PRAP1: variants seen among roughly 807,000 people sequenced by gnomAD.
The protein encoded by PRAP1 is proline-rich acidic protein 1.
Under a neutral mutation model 14.6 loss-of-function variants are expected in PRAP1, and 12 were observed. The ratio of observed to expected loss-of-function variants is 0.82; its 90% confidence interval spans 0.53 to 1.33. The LOEUF is 1.33. PRAP1 is among the 40% of genes most tolerant of loss of function. The pLI is 0.00. For synonymous variants in PRAP1, 81 were observed against 80.3 expected (o/e 1.01, Z -0.04); for missense variants, 160 against 193.7 (o/e 0.83, Z 1.03).
chr10:133,348,435 T>A (rs1354349269), intron 1 of PRAP1, among the ~76,000 whole-genome samples: 3 of 152,054 alleles, frequency 2.0e-5, no homozygotes, highest in Non-Finnish European at 4.4e-5. Flanking sequence ...CTGCAGGGTG[T>A]CCCAGACACT....
intron 2 of PRAP1, 68 bp downstream of exon 2, chr10:133,350,229 T>TGTG: frequency 7.0e-7 from 1 of 1,436,500 alleles, no homozygotes; most frequent in South Asian, 1.2e-5. Flanking sequence ...CAGCAGGGGA[T>TGTG]GTGGACAAAG....
intron 2 of PRAP1, chr10:133,350,439 G>A (rs535050313): frequency 1.3e-4 from 52 of 398,268 alleles, no homozygotes; most frequent in African/African-American, 9.0e-4. Flanking sequence ...CCAGGTGGAC[G>A]AGGTGGGTCC....
chr10:133,348,043 C>T (rs112657856), intron 1 of PRAP1, among the ~76,000 whole-genome samples: 17 of 152,292 alleles, frequency 1.1e-4, no homozygotes, highest in African/African-American at 4.1e-4. Flanking sequence ...GCTTGGGGAC[C>T]CTTTGGTGCC....
At position 133,352,326 on chromosome 10, in the gene PRAP1, C is replaced by T. The variant is rs201206108; in HGVS notation, c.342C>T (p.His114=). Residue 114 remains histidine (H), a synonymous_variant, in exon 5 of 5, where the codon CAC becomes CAT. Transcript: ENST00000433452. ...AGCCCGACCATGACAGCCTGTACCACCCTCCGCCTGAGGAGGACCAGGGCG... is the reference window on the plus strand; with the variant it reads ...AGCCCGACCATGACAGCCTGTACCATCCTCCGCCTGAGGAGGACCAGGGCG... ...SPEPDHDSLY[H]PPPEEDQGEE... The T allele has an allele frequency of 6.2e-7, 1 of 1,613,176 alleles. No homozygotes were observed. Among genetic ancestry groups the T allele is most frequent in the Non-Finnish European group, 8.5e-7 (1 of 1,179,990 alleles).
chr10:133,349,947 T>C, intron 1 of PRAP1, 148 bp from the exon 2 acceptor site: 1 of 654,594 alleles, frequency 1.5e-6, no homozygotes, highest in Non-Finnish European at 2.6e-6. Context: ...CTGCGTGTCT[T>C]GGCCCATGTG....
Position 133,351,430 on chromosome 10 carries a change from A to G in PRAP1, c.125A>G (p.Glu42Gly). The stretch of plus-strand genomic sequence containing the variant: ...CACTGGCCCTCAGAGCAGGACCCAG[A>G]GAAGTAAGTCCCCCCAACCCCACCT... ...VKHWPSEQDP[E>G]KAWGARVVEP... The change falls in exon 3 of 5, where the codon GAG becomes GGG. Residue 42 changes from glutamate to glycine, a missense_variant. Glu to Gly is a moderately conservative substitution (Grantham distance 98, BLOSUM62 -2). Coordinates refer to ENST00000433452, the MANE Select transcript of PRAP1 (RefSeq NM_145202.5). The surrounding 1 kb of genome is among the most constrained non-coding windows in gnomAD (Gnocchi z 4.3). 1 of 1,608,152 alleles carries G rather than the reference A, an allele frequency of 6.2e-7. No individual in the cohort carries two copies. Among genetic ancestry groups the G allele is most frequent in the Non-Finnish European group, 8.5e-7 (1 of 1,177,156 alleles).
In PRAP1 at chr10:133,352,533, AC is replaced by A. The variant is rs1337315680; in HGVS notation, c.*97del. The A allele has an allele frequency of 2.6e-6, 3 of 1,155,978 alleles. No homozygotes were observed. In the East Asian group the frequency reaches 7.3e-5, roughly 28 times the overall value. 71.6% of individuals were successfully genotyped at this position (1,155,978 alleles called of 1,614,324 possible). On this transcript the variant is annotated 3_prime_UTR_variant, in exon 5 of 5. Transcript: ENST00000433452. Reference sequence around the variant, plus strand: ...TACCCTGCCCCAGCTAGACAAATAAACCCCAGCAGGCCGGGCGCGGTGGCTC... The same window carrying A: ...TACCCTGCCCCAGCTAGACAAATAAACCCAGCAGGCCGGGCGCGGTGGCTC...
In PRAP1 at chr10:133,349,374, C is replaced by T. The variant is rs563279917; in HGVS notation, c.9-721C>T. On this transcript the variant is annotated intron_variant, in intron 1 of 4. Transcript: ENST00000433452. Reference sequence around the variant, plus strand: ...CTCACACACTCCGCACCACACACAACATACACATGCACCACACACTGAAGC... The same window carrying T: ...CTCACACACTCCGCACCACACACAATATACACATGCACCACACACTGAAGC... Among the ~76,000 whole-genome samples, 70 of 151,936 alleles carry T rather than the reference C, an allele frequency of 4.6e-4. 1 individual carries two copies. The South Asian group carries it at 0.014, about 31-fold the overall frequency.
chr10:133,351,538 G>A lies in PRAP1; in HGVS notation c.128+105G>A. 4.4e-6 allele frequency: 4 copies of A among 900,270 alleles called. No homozygotes were observed. Among genetic ancestry groups the A allele is most frequent in the South Asian group, 1.6e-5 (1 of 62,518 alleles). 55.8% of individuals were successfully genotyped at this position (900,270 alleles called of 1,614,324 possible). A position where few individuals can be genotyped will look rare whatever the true frequency, so the allele number is the denominator to read the frequency against. Reference sequence around the variant, plus strand: ...GAGAGCACGGGGCAGATGCAGAGAGGAGCCCTGTCCAGCAGCTTTTGGAAG... The same window carrying A: ...GAGAGCACGGGGCAGATGCAGAGAGAAGCCCTGTCCAGCAGCTTTTGGAAG... On this transcript the variant is annotated intron_variant, in intron 3 of 4. Transcript: ENST00000433452. The surrounding 1 kb of genome is among the most constrained non-coding windows in gnomAD (Gnocchi z 4.3).
chr10:133,352,226 C>T, intron 4 of PRAP1, 21 bp from the exon 5 acceptor site: 1 of 1,611,928 alleles, frequency 6.2e-7, no homozygotes, highest in Non-Finnish European at 8.5e-7. Flanking sequence ...TGAGACTATA[C>T]CTTCATGTGC....
rs1226047480 is a variant in PRAP1 at position 133,352,029 on chromosome 10, G to C, written c.151G>C (p.Glu51Gln). ...CAGGGCCTGGGGCGCCCGTGTGGTGGAGCCTCCGGAGAAGGACGACCAGCT... is the reference window on the plus strand; with the variant it reads ...CAGGGCCTGGGGCGCCCGTGTGGTGCAGCCTCCGGAGAAGGACGACCAGCT... Reference protein sequence around the residue: ...PEKAWGARVVEPPEKDDQLVV... With the variant: ...PEKAWGARVVQPPEKDDQLVV... Residue 51 changes from glutamate to glutamine, a missense_variant, in exon 4 of 5, where the codon GAG (glutamate) becomes CAG (glutamine). Transcript: ENST00000433452. 9 of 1,612,738 alleles carry C rather than the reference G, an allele frequency of 5.6e-6. No individual in the cohort carries two copies. The highest frequency in any genetic ancestry group is 7.6e-6 in the Non-Finnish European group (9 of 1,179,962).
In PRAP1 at chr10:133,347,554, GAGA is replaced by G. The variant is rs529992694; in HGVS notation, c.8+132_8+134del. The G allele has an allele frequency of 1.4e-4, 134 of 939,768 alleles. 1 individual carries two copies. In the African/African-American group the frequency reaches 2.0e-3, roughly 14 times the overall value. 58.2% of individuals were successfully genotyped at this position (939,768 alleles called of 1,614,324 possible). On this transcript the variant is annotated intron_variant, in intron 1 of 4. Coordinates refer to ENST00000433452, the MANE Select transcript of PRAP1 (RefSeq NM_145202.5). This position sits in a 1 kb window ranked among gnomAD's most constrained non-coding sequence, Gnocchi z 5.0. ...TTCAGGGGAGTGTGCGGGTGGGAGG[GAGA>G]AGGAGGGGCCCTCTGAGGGTCTGGG...
intron 1 of PRAP1, 138 bp from the exon 2 acceptor site, chr10:133,349,957 G>C: frequency 2.9e-6 from 2 of 697,070 alleles, no homozygotes; most frequent in South Asian, 3.5e-5. Context: ...TGGCCCATGT[G>C]AGCACAGTCC....
rs368573091 is a variant in PRAP1 at position 133,352,047 on chromosome 10, G to A, written c.169G>A (p.Asp57Asn). The A allele has an allele frequency of 1.7e-5, 28 of 1,612,866 alleles. No individual in the cohort carries two copies. Among genetic ancestry groups the A allele is most frequent in the African/African-American group, 4.0e-5 (3 of 74,902 alleles). ...ARVVEPPEKD[D>N]QLVVLFPVQK... is the part of the protein sequence containing the mutation. ...TGTGGTGGAGCCTCCGGAGAAGGACGACCAGCTGGTGGTGCTGTTCCCTGT... is the reference window on the plus strand; with the variant it reads ...TGTGGTGGAGCCTCCGGAGAAGGACAACCAGCTGGTGGTGCTGTTCCCTGT... Residue 57 changes from aspartate (D) to asparagine (N), a missense_variant, in exon 4 of 5, where the codon GAC becomes AAC. Transcript: ENST00000433452.
At chr10:133,348,540 C>T (rs1340292632) in intron 1 of PRAP1, among the ~76,000 whole-genome samples, 2 of 151,412 alleles carry the variant, frequency 1.3e-5, no homozygotes, top group African/African-American at 2.4e-5. Context: ...CAGAGTGTCT[C>T]GCTCTGTCGC....
At chr10:133,350,568 G>A (rs1848660739) in intron 2 of PRAP1, 2 of 188,174 alleles carry the variant, frequency 1.1e-5, no homozygotes. Flanking sequence ...GGGCCCGGAT[G>A]ACACCCCTTG....
chr10:133,352,191 A>G (rs1274791978), intron 4 of PRAP1, 51 bp downstream of exon 4: 4 of 1,610,826 alleles, frequency 2.5e-6, no homozygotes, highest in Non-Finnish European at 3.4e-6. Flanking sequence ...TGACTTGGAC[A>G]GACCAAGGGT....
intron 4 of PRAP1, 33 bp downstream of exon 4, chr10:133,352,173 C>T (rs762897408): frequency 6.2e-6 from 10 of 1,612,080 alleles, no homozygotes; most frequent in African/African-American, 1.3e-5. Context: ...AGAGTCCGCT[C>T]GTGGGGTTGA....
At chr10:133,349,616 C>T (rs1309580297) in intron 1 of PRAP1, among the ~76,000 whole-genome samples, 2 of 152,274 alleles carry the variant, frequency 1.3e-5, no homozygotes, top group Non-Finnish European at 2.9e-5. Context: ...CCAGCCGTGG[C>T]CCCGCAGCTC....
Sources: allele counts gnomAD v4.1 joint callset (sites outside exome capture counted in the v4.1 genomes callset), GRCh38; gene constraint gnomAD v4.1.1; non-coding constraint Gnocchi (gnomAD v3.1); transcripts MANE v1.5; gene names NCBI Gene and HGNC (gene_info 2026-07-23, HGNC 2026-07-21).